ADIPOR1: variants seen among roughly 807,000 people sequenced by gnomAD.
The protein encoded by ADIPOR1 is adiponectin receptor protein 1.
ADIPOR1 carries 15 observed loss-of-function variants against 37.5 expected under a neutral mutation model. The ratio of observed to expected loss-of-function variants is 0.40; its 90% CI spans 0.27 to 0.62. The LOEUF is 0.62. ADIPOR1 is among the 20% of genes least tolerant of loss of function. ADIPOR1 has a pLI of 0.42. For missense variants in ADIPOR1, 286 were observed against 478.0 expected (o/e 0.60, Z 3.75); for synonymous variants, 173 against 173.2 (o/e 1.00, Z 0.01).
At chr1:202,955,153 C>T (rs1222741969) in intron 1 of ADIPOR1, among the ~76,000 whole-genome samples, 1 of 152,112 alleles carries the variant, frequency 6.6e-6, no homozygotes, top group Non-Finnish European at 1.5e-5. Flanking sequence ...AGCTCTCCTA[C>T]TCGATGCCAA....
Position 202,941,535 on chromosome 1 carries a change from C to T in ADIPOR1, c.*38G>A. The T allele has an allele frequency of 6.3e-7, 1 of 1,581,510 alleles. No individual in the cohort carries two copies. Among genetic ancestry groups the T allele is most frequent in the Non-Finnish European group, 8.6e-7 (1 of 1,168,740 alleles). On this transcript the variant is annotated 3_prime_UTR_variant, in exon 8 of 8. Transcript: ENST00000340990. ...AGCAAAGAAGTTATTTTTAAAAGCA[C>T]TTGGGAAGTTCCTCCTCCACCCCGC...
chr1:202,951,206 T>A, intron 1 of ADIPOR1, 42 bp from the exon 2 acceptor site: 1 of 1,004,270 alleles, frequency 1.0e-6, no homozygotes, highest in South Asian at 1.6e-5. Context: ...AATTTATTCC[T>A]CTTACAGTTT....
rs1347090071 is a variant in ADIPOR1, at chr1:202,951,136, G to T, written c.-66C>A. 6.3e-7 allele frequency: 1 copy of T among 1,594,860 alleles called. No homozygotes were observed. Among genetic ancestry groups the T allele is most frequent in the Non-Finnish European group, 8.6e-7 (1 of 1,166,890 alleles). On this transcript the variant is annotated 5_prime_UTR_variant, in exon 2 of 8. Coordinates refer to ENST00000340990, the MANE Select transcript of ADIPOR1 (RefSeq NM_015999.6). ...AAGGTTGGGGTCTCTCAGCCCCAGG[G>T]GGCAGAGATCTCCCTCTGATGGTAG...
rs966005859 is a variant in ADIPOR1, at chr1:202,951,175, A to G, written c.-94-11T>C. ...CTCTGATGGTAGACACTAAAAGAAA[A>G]TACAAACATGAAGGATTGACAATTT... On this transcript the variant is annotated splice_polypyrimidine_tract_variant and intron_variant, in intron 1 of 7. Transcript: ENST00000340990. The G allele has an allele frequency of 5.3e-6, 7 of 1,328,058 alleles. No individual in the cohort carries two copies. The African/African-American group carries it at 1.0e-4, about 19-fold the overall frequency. 82.3% of individuals were successfully genotyped at this position (1,328,058 alleles called of 1,614,324 possible). A position where few individuals can be genotyped will look rare whatever the true frequency, so the allele number is the denominator to read the frequency against.
Position 202,942,168 on chromosome 1 carries a change from T to A in ADIPOR1, c.856A>T (p.Thr286Ser). ...LSGVVPTMHF[T>S]IAEGFVKATT... ...GCCTTGACAAAGCCCTCAGCGATAGTAAAGTGCATGGTGGGCACGACGCCA... is the reference window on the plus strand; with the variant it reads ...GCCTTGACAAAGCCCTCAGCGATAGAAAAGTGCATGGTGGGCACGACGCCA... The change falls in exon 7 of 8, where the codon ACT becomes TCT. Residue 286 changes from threonine (T) to serine (S), a missense_variant. Coordinates refer to ENST00000340990, the MANE Select transcript of ADIPOR1 (RefSeq NM_015999.6). 1.1e-5 allele frequency: 17 copies of A among 1,613,990 alleles called. No individual in the cohort carries two copies. The highest frequency in any genetic ancestry group is 1.4e-5 in the Non-Finnish European group (17 of 1,179,988).
At position 202,941,523 on chromosome 1, in the gene ADIPOR1, T is replaced by C. The variant is rs748499982; in HGVS notation, c.*50A>G. On this transcript the variant is annotated 3_prime_UTR_variant, in exon 8 of 8. Transcript: ENST00000340990. ...TCCTCTCACTTCAGCAAAGAAGTTA[T>C]TTTTAAAAGCACTTGGGAAGTTCCT... is the stretch of plus-strand genomic sequence containing the variant. 31 of 1,569,006 alleles carry C rather than the reference T, an allele frequency of 2.0e-5. No homozygotes were observed. The highest frequency in any genetic ancestry group is 2.5e-5 in the Non-Finnish European group (29 of 1,162,666).
chr1:202,957,583 C>A (rs1654831664), intron 1 of ADIPOR1, among the ~76,000 whole-genome samples: 1 of 152,068 alleles, frequency 6.6e-6, no homozygotes, highest in Non-Finnish European at 1.5e-5. Flanking sequence ...TTCATTTTCC[C>A]CCAAAGTACC....
At chr1:202,956,322 G>A (rs1046571089) in intron 1 of ADIPOR1, among the ~76,000 whole-genome samples, 1 of 152,224 alleles carries the variant, frequency 6.6e-6, no homozygotes, top group Non-Finnish European at 1.5e-5. Context: ...TTTCAGTTTG[G>A]CTTTGTATTA....
Position 202,949,146 on chromosome 1 carries a change from T to C in ADIPOR1, c.142-726A>G, listed in dbSNP as rs1654454300. Among the ~76,000 whole-genome samples the C allele has an allele frequency of 2.6e-5, 4 of 151,804 alleles. No individual in the cohort carries two copies. In the South Asian group the frequency reaches 8.3e-4, roughly 32 times the overall value. On this transcript the variant is annotated intron_variant, in intron 2 of 7. Coordinates refer to ENST00000340990, the MANE Select transcript of ADIPOR1 (RefSeq NM_015999.6). ...GTCTCAGAGAGTTCCATAACAATAA[T>C]TCTGTTCAGAGTTCCCTGTTCACTG...
At chr1:202,944,835 C>G in intron 5 of ADIPOR1, 148 bp downstream of exon 5, 1 of 707,232 alleles carries the variant, frequency 1.4e-6, no homozygotes, top group Non-Finnish European at 2.3e-6. Context: ...CTTCATCACC[C>G]CACTATCGCC....
chr1:202,950,804 T>G, intron 2 of ADIPOR1, 126 bp downstream of exon 2: 1 of 1,326,902 alleles, frequency 7.5e-7, no homozygotes, highest in Admixed American at 2.0e-5. Context: ...CATAGGGACT[T>G]GGATAGAGAC....
rs947579253 is a variant in ADIPOR1 at position 202,947,128 on chromosome 1, A to C, written c.259-518T>G. ...AAGACTCTGTATTCAAAAAAAACAA[A>C]AAAACAAAAACAAACAAACAAAAAA... On this transcript the variant is annotated intron_variant, in intron 3 of 7. Transcript: ENST00000340990. Among the ~76,000 whole-genome samples, 3 of 152,098 alleles carry C rather than the reference A, an allele frequency of 2.0e-5. No individual in the cohort carries two copies. In the South Asian group the frequency reaches 6.2e-4, roughly 32 times the overall value.
intron 1 of ADIPOR1, among the ~76,000 whole-genome samples, 183 bp from the exon 2 acceptor site, chr1:202,951,347 C>T (rs1358751723): frequency 6.6e-6 from 1 of 152,174 alleles, no homozygotes; most frequent in Non-Finnish European, 1.5e-5. Flanking sequence ...TTACCCAGAA[C>T]CTCACTAATC....
At chr1:202,955,335 C>T (rs1047239861) in intron 1 of ADIPOR1, among the ~76,000 whole-genome samples, 1 of 152,000 alleles carries the variant, frequency 6.6e-6, no homozygotes, top group Non-Finnish European at 1.5e-5. Context: ...GATCCTCCCA[C>T]CTTAGCTTCC....
At chr1:202,953,152 T>C (rs1031160043) in intron 1 of ADIPOR1, among the ~76,000 whole-genome samples, 7 of 151,984 alleles carry the variant, frequency 4.6e-5, no homozygotes, top group South Asian at 4.2e-4. Flanking sequence ...GAAATCTTTC[T>C]CAATAGGCTG....
At chr1:202,950,215 G>A (rs1197200330) in intron 2 of ADIPOR1, among the ~76,000 whole-genome samples, 4 of 141,858 alleles carry the variant, frequency 2.8e-5, no homozygotes, top group Non-Finnish European at 4.9e-5. Flanking sequence ...CACCTGCCTC[G>A]GCCTCTCAAA....
intron 1 of ADIPOR1, chr1:202,954,188 C>T (rs1654691135): frequency 6.6e-6 from 1 of 152,260 alleles, no homozygotes; most frequent in African/African-American, 2.4e-5. Flanking sequence ...ACAAACCAGC[C>T]ATCAGCTACA....
intron 1 of ADIPOR1, among the ~76,000 whole-genome samples, chr1:202,957,330 G>C (rs1410443973): frequency 6.6e-6 from 1 of 152,016 alleles, no homozygotes; most frequent in East Asian, 1.9e-4. Context: ...CCCGTCTTCT[G>C]AATCACTTGA....
chr1:202,944,029 C>A (rs1558010467), intron 5 of ADIPOR1, 84 bp from the exon 6 acceptor site: 11 of 1,271,530 alleles, frequency 8.7e-6, no homozygotes, highest in Non-Finnish European at 1.1e-6. Flanking sequence ...CTGTTCTCCA[C>A]CTGCTCCCAG....
Sources: gnomAD v4.1 joint callset for allele counts (sites outside exome capture counted in the v4.1 genomes callset) on GRCh38, gnomAD v4.1.1 for gene constraint, MANE v1.5 for transcripts, NCBI Gene and HGNC (gene_info 2026-07-23, HGNC 2026-07-21) for gene names.